Variants in PAK5 observed in about 807,000 individuals in gnomAD.
PAK5 encodes the protein p21 (RAC1) activated kinase 5.
A neutral mutation model predicts 65.9 loss-of-function variants in PAK5; 16 were observed. The ratio of observed to expected loss-of-function variants is 0.24; its 90% confidence interval spans 0.16 to 0.37. PAK5 has a LOEUF of 0.37. PAK5 is among the 10% of genes least tolerant of loss of function. The pLI is 1.00. For missense variants in PAK5, 785 were observed against 903.9 expected, an observed-to-expected ratio of 0.87 and a Z score of 1.69; for synonymous variants, 371 against 354.9, an observed-to-expected ratio of 1.05 and a Z score of -0.51.
intron 1 of PAK5, among the ~76,000 whole-genome samples, chr20:9,780,338 A>G (rs1182619057): frequency 6.6e-6 from 1 of 152,036 alleles, no homozygotes; most frequent in Admixed American, 6.6e-5. Context: ...CAAGGAAAAA[A>G]TGTCTCATCT....
In PAK5 at chr20:9,758,142, C is replaced by T. The variant is rs564241134; in HGVS notation, c.-161-46707G>A. Among the ~76,000 whole-genome samples the T allele has an allele frequency of 3.3e-5, 5 of 152,264 alleles. No individual in the cohort carries two copies. In the South Asian group the frequency reaches 1.0e-3, roughly 32 times the overall value. ...ATGTATGCGATACTTTCTGGGGCAA[C>T]AAAGAATTGTGTGCATGCCTGCTTT... is the stretch of plus-strand genomic sequence containing the variant. On this transcript the variant is annotated intron_variant, in intron 1 of 9. Coordinates refer to ENST00000353224, the MANE Select transcript of PAK5 (RefSeq NM_177990.4).
At chr20:9,628,869 C>A (rs1316743320) in intron 3 of PAK5, among the ~76,000 whole-genome samples, 1 of 152,280 alleles carries the variant, frequency 6.6e-6, no homozygotes, top group East Asian at 1.9e-4. Context: ...CTCCTGGGAG[C>A]AACGCACAAC....
intron 2 of PAK5, among the ~76,000 whole-genome samples, chr20:9,709,501 A>T (rs2423430): frequency 0.3 from 45,678 of 152,068 alleles, 7,106 homozygotes; most frequent in East Asian, 0.37. Flanking sequence ...GCTTTTAGCT[A>T]CCTGAGCTGT....
chr20:9,550,568 C>T (rs1223438978), intron 7 of PAK5, among the ~76,000 whole-genome samples: 1 of 152,104 alleles, frequency 6.6e-6, no homozygotes, highest in Admixed American at 6.5e-5. Flanking sequence ...ATCATTTATA[C>T]CTCATAATAA....
chr20:9,586,982 ACT>A (rs1347344342), intron 3 of PAK5, among the ~76,000 whole-genome samples: 14 of 152,180 alleles, frequency 9.2e-5, no homozygotes, highest in Admixed American at 6.6e-5. Context: ...TTTTTAAGTC[ACT>A]GTCTCTTAAT....
intron 1 of PAK5, among the ~76,000 whole-genome samples, chr20:9,807,255 T>C (rs2123747110): frequency 6.6e-6 from 1 of 152,340 alleles, no homozygotes; most frequent in South Asian, 2.1e-4. Context: ...TTATTCTGTC[T>C]ACCACATACA....
intron 3 of PAK5, among the ~76,000 whole-genome samples, chr20:9,642,101 G>A (rs945316123): frequency 3.3e-5 from 5 of 152,354 alleles, no homozygotes; most frequent in African/African-American, 9.6e-5. Flanking sequence ...AGGCAGGGGA[G>A]GTGCCGAGAG....
chr20:9,709,333 A>C (rs2048049144), intron 2 of PAK5, among the ~76,000 whole-genome samples: 1 of 152,266 alleles, frequency 6.6e-6, no homozygotes, highest in African/African-American at 2.4e-5. Context: ...CATGGTATTG[A>C]TTTTGGCCAT....
chr20:9,821,755 C>T (rs74361793), intron 1 of PAK5, among the ~76,000 whole-genome samples: 212 of 152,304 alleles, frequency 1.4e-3, no homozygotes, highest in Admixed American at 3.7e-3. Flanking sequence ...CTAACACTTG[C>T]GTTTCTGCTC....
chr20:9,703,757 A>C (rs898781552), intron 2 of PAK5, among the ~76,000 whole-genome samples: 1 of 150,816 alleles, frequency 6.6e-6, no homozygotes, highest in Non-Finnish European at 1.5e-5. Context: ...CCCCCCCTCC[A>C]CTCTAATACA....
intron 7 of PAK5, among the ~76,000 whole-genome samples, chr20:9,551,710 G>T (rs1349651232): frequency 6.6e-6 from 1 of 152,178 alleles, no homozygotes; most frequent in African/African-American, 2.4e-5. Context: ...TAAGGCAATG[G>T]CACTCAGTGT....
At chr20:9,773,460 T>C (rs1039520460) in intron 1 of PAK5, among the ~76,000 whole-genome samples, 1 of 152,118 alleles carries the variant, frequency 6.6e-6, no homozygotes, top group Non-Finnish European at 1.5e-5. Context: ...CATTGTTCAA[T>C]TCTTAGACAG....
At chr20:9,549,168 GGA>G (rs2045389835) in intron 7 of PAK5, among the ~76,000 whole-genome samples, 7 of 152,088 alleles carry the variant, frequency 4.6e-5, no homozygotes. Flanking sequence ...ATTTGCAGAA[GGA>G]GAGAAAGAGG....
chr20:9,750,584 C>G (rs1274268608), intron 1 of PAK5, among the ~76,000 whole-genome samples: 1 of 151,868 alleles, frequency 6.6e-6, no homozygotes, highest in African/African-American at 2.4e-5. Flanking sequence ...GTATAAGCAA[C>G]CAAAAGTTAC....
intron 1 of PAK5, among the ~76,000 whole-genome samples, chr20:9,799,473 G>A (rs934237915): frequency 2.6e-5 from 4 of 152,032 alleles, no homozygotes; most frequent in Non-Finnish European, 5.9e-5. Flanking sequence ...ACAAGTCTAT[G>A]GTATGATTAT....
At chr20:9,805,382 A>C (rs1454132878) in intron 1 of PAK5, among the ~76,000 whole-genome samples, 1 of 152,200 alleles carries the variant, frequency 6.6e-6, no homozygotes, top group Non-Finnish European at 1.5e-5. Context: ...TATACTCAAG[A>C]AAACTGAAAA....
chr20:9,724,858 A>G (rs1419108168), intron 1 of PAK5, among the ~76,000 whole-genome samples: 1 of 152,132 alleles, frequency 6.6e-6, no homozygotes, highest in African/African-American at 2.4e-5. Flanking sequence ...ATTATAGTAA[A>G]AAAAAATTTT....
At chr20:9,732,709 T>A (rs2048347247) in intron 1 of PAK5, among the ~76,000 whole-genome samples, 1 of 152,178 alleles carries the variant, frequency 6.6e-6, no homozygotes, top group Non-Finnish European at 1.5e-5. Flanking sequence ...TCTCTAATCT[T>A]GGATTGGTCT....
At position 9,641,912 on chromosome 20, in the gene PAK5, C is replaced by T. The variant is rs528080131; in HGVS notation, c.204+2213G>A. On this transcript the variant is annotated intron_variant, in intron 3 of 9. Coordinates refer to ENST00000353224, the MANE Select transcript of PAK5 (RefSeq NM_177990.4). ...GGGGCCCACCAAGCCCACGCCCACC[C>T]GGAACTCCAGCTGGCCCGCAAGCAC... 2.5e-4 allele frequency among the ~76,000 whole-genome samples: 38 copies of T among 152,290 alleles called. No homozygotes were observed. The East Asian group carries it at 5.4e-3, about 22-fold the overall frequency.
Sources: gnomAD v4.1 joint callset for allele counts (sites outside exome capture counted in the v4.1 genomes callset) on GRCh38, gnomAD v4.1.1 for gene constraint, MANE v1.5 for transcripts, NCBI Gene and HGNC (gene_info 2026-07-23, HGNC 2026-07-21) for gene names.